Variants in ADGRB3 observed in about 807,000 individuals in gnomAD.
ADGRB3 encodes brain-specific angiogenesis inhibitor 3.
In ADGRB3, 37 loss-of-function variants were observed where a neutral mutation model predicts 193.4. The ratio of observed to expected loss-of-function variants is 0.19; its 90% CI spans 0.15 to 0.25. The LOEUF (loss-of-function observed/expected upper bound fraction) is 0.25, where lower values mean the gene tolerates loss of function less well. Ranked by LOEUF, ADGRB3 falls within the 10% of genes least tolerant of loss-of-function variation. The pLI is 1.00. For missense variants in ADGRB3, 1,637 were observed against 1,852.9 expected (o/e 0.88, Z 2.14); for synonymous variants, 690 against 644.2 (o/e 1.07, Z -1.08).
At chr6:69,276,652 A>G (rs1767309603) in intron 20 of ADGRB3, among the ~76,000 whole-genome samples, 1 of 152,092 alleles carries the variant, frequency 6.6e-6, no homozygotes. Flanking sequence ...CCACCAGTGG[A>G]TGATCTCAGG....
intron 6 of ADGRB3, among the ~76,000 whole-genome samples, chr6:68,955,425 C>T (rs1489069351): frequency 1.3e-5 from 2 of 152,170 alleles, no homozygotes; most frequent in African/African-American, 4.8e-5. Context: ...TTCATGTACC[C>T]CATCTCCTAG....
chr6:69,209,897 C>G, intron 17 of ADGRB3, among the ~76,000 whole-genome samples: 1 of 151,592 alleles, frequency 6.6e-6, no homozygotes, highest in Non-Finnish European at 1.5e-5. Context: ...CAGTTCATGC[C>G]AAGGACTATC....
intron 17 of ADGRB3, among the ~76,000 whole-genome samples, chr6:69,120,652 G>A (rs148286092): frequency 3.4e-4 from 52 of 152,338 alleles, no homozygotes; most frequent in African/African-American, 1.2e-3. Context: ...TACTAGAGAG[G>A]GGAGATGGTA....
intron 3 of ADGRB3, among the ~76,000 whole-genome samples, chr6:68,641,143 TG>T (rs979281388): frequency 1.8e-4 from 28 of 152,354 alleles, no homozygotes; most frequent in African/African-American, 6.5e-4. Context: ...GTTTTACTGT[TG>T]TTTTAATACA....
intron 3 of ADGRB3, among the ~76,000 whole-genome samples, chr6:68,721,950 T>G (rs1376232762): frequency 6.6e-6 from 1 of 151,550 alleles, no homozygotes; most frequent in Non-Finnish European, 1.5e-5. Flanking sequence ...ACAATAAGTT[T>G]TCATTAATCA....
chr6:68,998,684 A>G (rs1165229718), intron 11 of ADGRB3, among the ~76,000 whole-genome samples: 1 of 152,244 alleles, frequency 6.6e-6, no homozygotes. Flanking sequence ...TTTGATGCCA[A>G]AACTGAAATA....
chr6:69,094,468 G>C (rs556729044), intron 17 of ADGRB3, among the ~76,000 whole-genome samples: 6 of 152,284 alleles, frequency 3.9e-5, no homozygotes, highest in Non-Finnish European at 7.4e-5. Flanking sequence ...GGTTCAAACA[G>C]ACTAACACAC....
intron 3 of ADGRB3, among the ~76,000 whole-genome samples, chr6:68,823,353 C>G (rs1182106199): frequency 6.6e-6 from 1 of 151,706 alleles, no homozygotes; most frequent in Non-Finnish European, 1.5e-5. Context: ...AACAAGGTTT[C>G]CCATCATATG....
At chr6:69,346,704 C>T (rs1423572777) in intron 26 of ADGRB3, among the ~76,000 whole-genome samples, 2 of 152,134 alleles carry the variant, frequency 1.3e-5, no homozygotes, top group Admixed American at 1.3e-4. Context: ...CAGGAAACAA[C>T]AGATGCTGGA....
At chr6:69,163,051 G>A (rs1269228915) in intron 17 of ADGRB3, among the ~76,000 whole-genome samples, 1 of 152,062 alleles carries the variant, frequency 6.6e-6, no homozygotes, top group African/African-American at 2.4e-5. Flanking sequence ...TTATTTGTCT[G>A]AGTCAATTCA....
chr6:68,707,195 A>G (rs1372181727), intron 3 of ADGRB3, among the ~76,000 whole-genome samples: 1 of 151,926 alleles, frequency 6.6e-6, no homozygotes, highest in East Asian at 1.9e-4. Context: ...TTTAAAAGTC[A>G]TCTTTTCATT....
intron 13 of ADGRB3, among the ~76,000 whole-genome samples, chr6:69,023,778 C>A (rs1019394836): frequency 6.6e-6 from 1 of 151,986 alleles, no homozygotes; most frequent in Non-Finnish European, 1.5e-5. Context: ...GTAATTCATG[C>A]AGGAGACAAT....
chr6:68,838,210 C>T (rs1768082970), intron 3 of ADGRB3, among the ~76,000 whole-genome samples: 1 of 152,110 alleles, frequency 6.6e-6, no homozygotes, highest in African/African-American at 2.4e-5. Context: ...CATGCATTAT[C>T]AACGCTCATT....
chr6:69,073,752 G>A (rs529385741), intron 16 of ADGRB3, among the ~76,000 whole-genome samples: 69 of 152,146 alleles, frequency 4.5e-4, no homozygotes, highest in African/African-American at 1.6e-3. Flanking sequence ...CATAAAATAG[G>A]GCCAGACTGC....
intron 16 of ADGRB3, among the ~76,000 whole-genome samples, chr6:69,068,752 G>A (rs1330604373): frequency 6.6e-6 from 1 of 152,150 alleles, no homozygotes; most frequent in Non-Finnish European, 1.5e-5. Flanking sequence ...GTTAATGTGG[G>A]CTACTAACTG....
rs1008554186 is a variant in ADGRB3, at chr6:68,817,140, A to T, written c.758-113419A>T. Among the ~76,000 whole-genome samples, 4 of 151,466 alleles carry T rather than the reference A, an allele frequency of 2.6e-5. No homozygotes were observed. The Admixed American group carries it at 2.6e-4, about 10-fold the overall frequency. The stretch of plus-strand genomic sequence containing the variant: ...GGGACTTACTCAGCACCAGCACCCT[A>T]TGCCTGGCCATTGCTGGTATTTTAT... On this transcript the variant is annotated intron_variant, in intron 3 of 31. Coordinates refer to ENST00000370598, the MANE Select transcript of ADGRB3 (RefSeq NM_001704.3).
Position 68,793,014 on chromosome 6 carries a change from A to C in ADGRB3, c.758-137545A>C, listed in dbSNP as rs1475526418. The stretch of plus-strand genomic sequence containing the variant: ...GTTTTTTCGGCACTTCCTGTCATCA[A>C]GCATTCAGAATTATTTCTGGTACTT... On this transcript the variant is annotated intron_variant, in intron 3 of 31. Coordinates refer to ENST00000370598, the MANE Select transcript of ADGRB3 (RefSeq NM_001704.3). 2.6e-5 allele frequency among the ~76,000 whole-genome samples: 4 copies of C among 152,232 alleles called. No homozygotes were observed. The East Asian group carries it at 7.7e-4, about 29-fold the overall frequency.
At chr6:69,361,917 A>G (rs1284342230) in intron 29 of ADGRB3, among the ~76,000 whole-genome samples, 1 of 151,796 alleles carries the variant, frequency 6.6e-6, no homozygotes, top group Non-Finnish European at 1.5e-5. Context: ...GTGGCATTAC[A>G]AACTTAAACT....
rs778239785 is a variant in ADGRB3 at position 69,382,811 on chromosome 6, T to C, written c.4276-20T>C. 9 of 1,524,648 alleles carry C rather than the reference T, an allele frequency of 5.9e-6. No individual in the cohort carries two copies. The highest frequency in any genetic ancestry group is 6.3e-6 in the Non-Finnish European group (7 of 1,110,422). The allele number at this position is 1,524,648 out of a possible 1,614,324, so 94.4% of individuals were successfully genotyped here. A position where few individuals can be genotyped will look rare whatever the true frequency, so the allele number is the denominator to read the frequency against. ...CATACATCAAGTTGGGGATGAGAGC[T>C]ATCTTGTTCTTTTTTGCAGAAGGTC... On this transcript the variant is annotated intron_variant, in intron 30 of 31. Coordinates refer to ENST00000370598, the MANE Select transcript of ADGRB3 (RefSeq NM_001704.3).
Sources: allele counts gnomAD v4.1 joint callset (sites outside exome capture counted in the v4.1 genomes callset), GRCh38; gene constraint gnomAD v4.1.1; transcripts MANE v1.5; gene names NCBI Gene and HGNC (gene_info 2026-07-23, HGNC 2026-07-21).